The following CTNND2 variants were observed in gnomAD, a reference collection of about 807,000 sequenced individuals.
CTNND2 encodes the protein catenin delta 2, also known as catenin delta-2.
Under a neutral mutation model 144.4 loss-of-function variants are expected in CTNND2, and 22 were observed. The ratio of observed to expected loss-of-function variants is 0.15; its 90% CI spans 0.11 to 0.22. The LOEUF is 0.22. Ranked by LOEUF, CTNND2 falls within the 10% of genes least tolerant of loss-of-function variation. The pLI, the probability that CTNND2 is intolerant of heterozygous loss-of-function variation, is 1.00. For missense variants in CTNND2, 1,353 were observed against 1,618.8 expected, an observed-to-expected ratio of 0.84 and a Z score of 2.82; for synonymous variants, 751 against 695.6, an observed-to-expected ratio of 1.08 and a Z score of -1.25.
At chr5:11,078,171 G>T (rs1561267972) in intron 16 of CTNND2, among the ~76,000 whole-genome samples, 1 of 152,224 alleles carries the variant, frequency 6.6e-6, no homozygotes, top group South Asian at 2.1e-4. Context: ...ATGGAGAGGA[G>T]AGGAGGTCCA....
Position 11,891,975 on chromosome 5 carries a change from A to G in CTNND2, c.37+11842T>C, listed in dbSNP as rs1163796880. Reference sequence around the variant, plus strand: ...CAGTGTGGTACTCAATTATCCACTCAGTGCTACAGCACAGTCTGTGAATCT... The same window carrying G: ...CAGTGTGGTACTCAATTATCCACTCGGTGCTACAGCACAGTCTGTGAATCT... On this transcript the variant is annotated intron_variant, in intron 1 of 21. Coordinates refer to ENST00000304623, the MANE Select transcript of CTNND2 (RefSeq NM_001332.4). Among the ~76,000 whole-genome samples, 5 of 152,262 alleles carry G rather than the reference A, an allele frequency of 3.3e-5. No individual in the cohort carries two copies. The South Asian group carries it at 8.3e-4, about 25-fold the overall frequency.
chr5:11,743,875 TATCCTTGCATGAGCTATTC>T (rs1358085909), intron 1 of CTNND2, among the ~76,000 whole-genome samples: 1 of 152,164 alleles, frequency 6.6e-6, no homozygotes, highest in African/African-American at 2.4e-5. Context: ...ACCCATTCTG[TATCCTTGCATGAGCTATTC>T]ATCATTGAGA....
At chr5:11,252,998 A>G (rs1191705993) in intron 9 of CTNND2, among the ~76,000 whole-genome samples, 1 of 152,198 alleles carries the variant, frequency 6.6e-6, no homozygotes, top group East Asian at 1.9e-4. Context: ...TTATAAAGCA[A>G]TGAACTGTTT....
chr5:11,480,902 C>T (rs899969745), intron 3 of CTNND2, among the ~76,000 whole-genome samples: 8 of 152,002 alleles, frequency 5.3e-5, no homozygotes, highest in African/African-American at 1.9e-4. Context: ...AGAGGGTAGT[C>T]ACCCAAGAGT....
At chr5:11,108,355 G>T (rs2905989) in intron 14 of CTNND2, among the ~76,000 whole-genome samples, 30,632 of 152,140 alleles carry the variant, frequency 0.2, 3,226 homozygotes, top group South Asian at 0.24. Context: ...GTTTTACACA[G>T]AGGCCCATTC....
At chr5:11,563,695 C>T (rs17819393) in intron 3 of CTNND2, among the ~76,000 whole-genome samples, 1,975 of 151,970 alleles carry the variant, frequency 0.013, 13 homozygotes, top group Non-Finnish European at 0.015. Flanking sequence ...ATTCCATCCA[C>T]GTGGTTAACC....
chr5:11,375,805 A>G (rs1757869527), intron 7 of CTNND2, among the ~76,000 whole-genome samples: 1 of 152,218 alleles, frequency 6.6e-6, no homozygotes, highest in Admixed American at 6.5e-5. Context: ...GACTACATAC[A>G]ATAAATACTA....
intron 1 of CTNND2, among the ~76,000 whole-genome samples, chr5:11,871,638 T>C (rs1735133675): frequency 6.6e-6 from 1 of 152,188 alleles, no homozygotes; most frequent in South Asian, 2.1e-4. Flanking sequence ...TTCATCAGTA[T>C]ACCAAAGAAA....
At chr5:11,096,441 T>C (rs907221892) in intron 15 of CTNND2, among the ~76,000 whole-genome samples, 2 of 152,202 alleles carry the variant, frequency 1.3e-5, no homozygotes, top group Non-Finnish European at 2.9e-5. Context: ...TGTTTTAGTT[T>C]GCTGAGAATG....
At chr5:11,696,140 C>T (rs543351814) in intron 2 of CTNND2, among the ~76,000 whole-genome samples, 7 of 152,308 alleles carry the variant, frequency 4.6e-5, no homozygotes, top group Admixed American at 1.3e-4. Flanking sequence ...TGTGAGTAAT[C>T]TCATCTCTTC....
chr5:11,294,436 T>C (rs1748686591), intron 9 of CTNND2, among the ~76,000 whole-genome samples: 1 of 152,164 alleles, frequency 6.6e-6, no homozygotes, highest in Non-Finnish European at 1.5e-5. Context: ...AGTGTTTTTC[T>C]TGAAAAGGGA....
At chr5:11,765,600 T>C (rs1789536374) in intron 1 of CTNND2, among the ~76,000 whole-genome samples, 1 of 152,164 alleles carries the variant, frequency 6.6e-6, no homozygotes, top group South Asian at 2.1e-4. Flanking sequence ...TTTGAATATT[T>C]TGGAAATATT....
intron 13 of CTNND2, among the ~76,000 whole-genome samples, chr5:11,113,530 C>A (rs1253128909): frequency 6.6e-6 from 1 of 152,078 alleles, no homozygotes; most frequent in African/African-American, 2.4e-5. Context: ...CAAAGCTGAC[C>A]TTTTGACTAC....
chr5:11,639,076 G>T (rs1781859216), intron 2 of CTNND2, among the ~76,000 whole-genome samples: 1 of 151,986 alleles, frequency 6.6e-6, no homozygotes, highest in Non-Finnish European at 1.5e-5. Flanking sequence ...GGGTGATTTT[G>T]CCCTCCAGGA....
chr5:11,477,469 T>G (rs1418399450), intron 3 of CTNND2, among the ~76,000 whole-genome samples: 1 of 151,898 alleles, frequency 6.6e-6, no homozygotes, highest in African/African-American at 2.4e-5. Context: ...TGAAGTAGAG[T>G]GGCTTGATCA....
At chr5:11,008,662 C>T (rs560968397) in intron 18 of CTNND2, among the ~76,000 whole-genome samples, 1 of 152,294 alleles carries the variant, frequency 6.6e-6, no homozygotes, top group South Asian at 2.1e-4. Context: ...AAGTCTTAGA[C>T]CTTCCACTCG....
intron 1 of CTNND2, among the ~76,000 whole-genome samples, chr5:11,875,259 C>T (rs1292429174): frequency 6.6e-6 from 1 of 152,156 alleles, no homozygotes. Context: ...TTCAAAACTA[C>T]CTCCCTCTTC....
chr5:11,350,223 T>C (rs1201724575), intron 8 of CTNND2, among the ~76,000 whole-genome samples: 1 of 152,124 alleles, frequency 6.6e-6, no homozygotes, highest in Non-Finnish European at 1.5e-5. Flanking sequence ...ACCTGAACAT[T>C]ATACTGAAAA....
At chr5:11,491,773 T>A (rs1014421078) in intron 3 of CTNND2, among the ~76,000 whole-genome samples, 1 of 152,178 alleles carries the variant, frequency 6.6e-6, no homozygotes, top group African/African-American at 2.4e-5. Context: ...AATGGAGAGA[T>A]GCTAAAGTGA....
Sources: allele counts gnomAD v4.1 joint callset (sites outside exome capture counted in the v4.1 genomes callset), GRCh38; gene constraint gnomAD v4.1.1; transcripts MANE v1.5; gene names NCBI Gene and HGNC (gene_info 2026-07-23, HGNC 2026-07-21).